Variants in C6orf89 observed in about 807,000 individuals in gnomAD.
C6orf89 encodes chromosome 6 open reading frame 89.
A neutral mutation model predicts 40.7 loss-of-function variants in C6orf89; 29 were observed. The ratio of observed to expected loss-of-function variants is 0.71; its 90% CI spans 0.53 to 0.97. The LOEUF is 0.97. Among genes scored for constraint, C6orf89 ranks in the 50% least tolerant of loss-of-function variants. The probability of loss-of-function intolerance (pLI) is 0.00; values close to 1 mark genes in which losing one functional copy is unlikely to be tolerated. For synonymous variants in C6orf89, 165 were observed against 152.2 expected (o/e 1.08, Z -0.62); for missense variants, 392 against 429.1 (o/e 0.91, Z 0.76).
intron 4 of C6orf89, among the ~76,000 whole-genome samples, chr6:36,912,570 T>C (rs149576240): frequency 1.8e-4 from 27 of 152,304 alleles, no homozygotes; most frequent in African/African-American, 6.5e-4. Flanking sequence ...CTTTGCAGCC[T>C]CAGTGTGCCA....
chr6:36,907,079 T>A (rs763896190), intron 4 of C6orf89, among the ~76,000 whole-genome samples: 2 of 152,078 alleles, frequency 1.3e-5, no homozygotes, highest in African/African-American at 2.4e-5. Flanking sequence ...CATCCCTTCC[T>A]CCCTCTCCCC....
rs1762728868 is a variant in C6orf89, at chr6:36,927,637, C to T, written c.*4196C>T. The T allele has an allele frequency of 6.6e-6, 1 of 152,230 alleles. No homozygotes were observed. Among genetic ancestry groups the T allele is most frequent in the East Asian group, 1.9e-4 (1 of 5,198 alleles). 9.4% of individuals were successfully genotyped at this position (152,230 alleles called of 1,614,324 possible). A position where few individuals can be genotyped will look rare whatever the true frequency, so the allele number is the denominator to read the frequency against. ...ACAATTTGTTGAAGGAAGGGAGTGT[C>T]AGAGATATGCTTTAAAGTTGTACTT... On this transcript the variant is annotated 3_prime_UTR_variant, in exon 9 of 9. Transcript: ENST00000480824.
At chr6:36,874,705 G>A (rs889059138) in intron 1 of C6orf89, 1 of 1,613,664 alleles carries the variant, frequency 6.2e-7, no homozygotes, top group African/African-American at 1.3e-5. Flanking sequence ...CCAGACGCCC[G>A]AACCCCCTCA....
chr6:36,894,638 G>A, intron 2 of C6orf89, 35 bp downstream of exon 2: 2 of 834,036 alleles, frequency 2.4e-6, no homozygotes, highest in South Asian at 5.5e-5. Context: ...CCTGAAGTCA[G>A]GACACTTGGG....
intron 3 of C6orf89, 56 bp from the exon 4 acceptor site, chr6:36,902,165 T>A: frequency 6.9e-7 from 1 of 1,454,692 alleles, no homozygotes; most frequent in Middle Eastern, 1.9e-4. Context: ...GTTTTTTTTC[T>A]TGGTATTAAG....
rs1762614700 is a variant in C6orf89, at chr6:36,924,366, T to C, written c.*925T>C. The C allele has an allele frequency of 6.6e-6, 1 of 152,276 alleles. No individual in the cohort carries two copies. Among genetic ancestry groups the C allele is most frequent in the Non-Finnish European group, 1.5e-5 (1 of 68,076 alleles). The allele number at this position is 152,276 out of a possible 1,614,324, so 9.4% of individuals were successfully genotyped here. A position where few individuals can be genotyped will look rare whatever the true frequency, so the allele number is the denominator to read the frequency against. On this transcript the variant is annotated 3_prime_UTR_variant, in exon 9 of 9. Transcript: ENST00000480824. Reference sequence around the variant, plus strand: ...AGGGTCTGACTTTCTGCAGAGAAGATGTTTTACAGATGTGTCAAAGCTGAT... The same window carrying C: ...AGGGTCTGACTTTCTGCAGAGAAGACGTTTTACAGATGTGTCAAAGCTGAT...
chr6:36,876,322 A>G (rs567652706), intron 1 of C6orf89, among the ~76,000 whole-genome samples: 6 of 152,222 alleles, frequency 3.9e-5, no homozygotes, highest in Non-Finnish European at 7.3e-5. Context: ...CTGAGGAGAC[A>G]GAGATGAGTC....
At chr6:36,893,381 G>A (rs1190974236) in intron 1 of C6orf89, among the ~76,000 whole-genome samples, 1 of 152,126 alleles carries the variant, frequency 6.6e-6, no homozygotes, top group African/African-American at 2.4e-5. Context: ...AGTTTAGGAC[G>A]ACTGATATAA....
Position 36,887,626 on chromosome 6 carries a change from A to G in C6orf89, c.-120+1598A>G, listed in dbSNP as rs147672076. ...CAAAAGCAAAAAGATGTGAAATAGT[A>G]TGACAGTGTAGAATGTGAAGAAGGA... On this transcript the variant is annotated intron_variant, in intron 1 of 8. Coordinates refer to ENST00000480824, the MANE Select transcript of C6orf89 (RefSeq NM_001286635.2). 2.5e-3 allele frequency among the ~76,000 whole-genome samples: 375 copies of G among 152,366 alleles called. 1 individual carries two copies. The highest frequency in any genetic ancestry group is 8.7e-3 in the African/African-American group (363 of 41,586).
At chr6:36,882,417 A>G (rs535873095), upstream of C6orf89, among the ~76,000 whole-genome samples, 9 of 152,234 alleles carry the variant, frequency 5.9e-5, no homozygotes, top group Non-Finnish European at 1.2e-4. Context: ...CCTAAATTGG[A>G]GAAACAACTG....
At chr6:36,913,376 T>C (rs1375556922) in intron 4 of C6orf89, among the ~76,000 whole-genome samples, 1 of 152,218 alleles carries the variant, frequency 6.6e-6, no homozygotes. Flanking sequence ...ATTCACTTTA[T>C]TCCAAAGATG....
chr6:36,902,861 A>G (rs941960260), intron 4 of C6orf89, among the ~76,000 whole-genome samples: 4 of 152,178 alleles, frequency 2.6e-5, no homozygotes, highest in Admixed American at 6.5e-5. Context: ...TCCTTGGCCT[A>G]TTGGGCTAGG....
intron 3 of C6orf89, among the ~76,000 whole-genome samples, chr6:36,901,740 G>A (rs1194781949): frequency 1.3e-5 from 2 of 151,180 alleles, no homozygotes; most frequent in South Asian, 2.1e-4. Context: ...GCGCGATCTC[G>A]GCTCACTGCA....
At chr6:36,881,645 G>C (rs889910933), upstream of C6orf89, among the ~76,000 whole-genome samples, 1 of 152,186 alleles carries the variant, frequency 6.6e-6, no homozygotes, top group African/African-American at 2.4e-5. Context: ...TTGCACTCCA[G>C]CTTGGGCAGC....
chr6:36,889,747 A>G (rs532553076), intron 1 of C6orf89, among the ~76,000 whole-genome samples: 3 of 152,340 alleles, frequency 2.0e-5, no homozygotes, highest in South Asian at 2.1e-4. Context: ...AAACTTGACT[A>G]TAGACTGAAT....
intron 8 of C6orf89, among the ~76,000 whole-genome samples, chr6:36,921,503 G>A (rs1436624039): frequency 1.3e-5 from 2 of 152,114 alleles, no homozygotes; most frequent in Admixed American, 1.3e-4. Flanking sequence ...TTGGGGGTCA[G>A]GTACAACATC....
At chr6:36,885,091 G>A (rs1774926078), upstream of C6orf89, among the ~76,000 whole-genome samples, 2 of 152,234 alleles carry the variant, frequency 1.3e-5, no homozygotes, top group South Asian at 4.1e-4. Context: ...TATGGCCTGA[G>A]AAGGACTCTG....
chr6:36,882,506 C>G (rs1253065607), upstream of C6orf89, among the ~76,000 whole-genome samples: 1 of 152,048 alleles, frequency 6.6e-6, no homozygotes, highest in Non-Finnish European at 1.5e-5. Flanking sequence ...TTCTTGAGTC[C>G]TTAAAGCTTT....
chr6:36,893,043 T>C (rs1371192429), intron 1 of C6orf89, among the ~76,000 whole-genome samples: 2 of 152,102 alleles, frequency 1.3e-5, no homozygotes, highest in Non-Finnish European at 1.5e-5. Flanking sequence ...CACGCCATTC[T>C]CCTGCCTCAG....
Sources: allele counts gnomAD v4.1 joint callset (sites outside exome capture counted in the v4.1 genomes callset), GRCh38; gene constraint gnomAD v4.1.1; transcripts MANE v1.5; gene names NCBI Gene and HGNC (gene_info 2026-07-23, HGNC 2026-07-21).